ARRB1: variants seen among roughly 807,000 people sequenced by gnomAD.
ARRB1 encodes the protein beta-arrestin-1.
In ARRB1, 21 loss-of-function variants were observed where a neutral mutation model predicts 56.8. The observed-to-expected ratio is 0.37, with a 90% CI of 0.26 to 0.53. The LOEUF (loss-of-function observed/expected upper bound fraction) is 0.53. ARRB1 is among the 20% of genes least tolerant of loss of function. ARRB1 has a pLI of 0.88. For missense variants in ARRB1, 424 were observed against 553.7 expected, an observed-to-expected ratio of 0.77 and a Z score of 2.35; for synonymous variants, 210 against 218.6, an observed-to-expected ratio of 0.96 and a Z score of 0.35.
chr11:75,304,907 A>G (rs946233249), intron 1 of ARRB1, among the ~76,000 whole-genome samples: 1 of 151,922 alleles, frequency 6.6e-6, no homozygotes, highest in Non-Finnish European at 1.5e-5. Flanking sequence ...AGAGAGGAAA[A>G]AAAAAAGTTT....
chr11:75,298,122 T>C (rs1312371709), intron 1 of ARRB1, among the ~76,000 whole-genome samples: 1 of 150,842 alleles, frequency 6.6e-6, no homozygotes, highest in African/African-American at 2.4e-5. Flanking sequence ...GGGATAGCAT[T>C]AGGAGAAATA....
At chr11:75,335,636 G>A (rs888181500) in intron 1 of ARRB1, among the ~76,000 whole-genome samples, 15 of 151,562 alleles carry the variant, frequency 9.9e-5, no homozygotes, top group Non-Finnish European at 1.8e-4. Context: ...ACCTGCCTGC[G>A]GAGGTCTGCT....
intron 1 of ARRB1, among the ~76,000 whole-genome samples, chr11:75,320,439 G>A (rs748033378): frequency 2.6e-5 from 4 of 152,230 alleles, no homozygotes; most frequent in Non-Finnish European, 4.4e-5. Context: ...AGAAGGAGGC[G>A]GGAAAGAAGC....
intron 1 of ARRB1, among the ~76,000 whole-genome samples, chr11:75,296,327 G>A (rs561024131): frequency 6.6e-6 from 1 of 152,084 alleles, no homozygotes; most frequent in African/African-American, 2.4e-5. Context: ...AGAAAAACAT[G>A]CCTAAACCAA....
At chr11:75,330,230 C>G (rs1375955888) in intron 1 of ARRB1, among the ~76,000 whole-genome samples, 2 of 152,328 alleles carry the variant, frequency 1.3e-5, no homozygotes, top group South Asian at 4.1e-4. Flanking sequence ...CTTAGCTGAG[C>G]CTTCAATTCC....
intron 1 of ARRB1, among the ~76,000 whole-genome samples, chr11:75,330,439 C>T (rs576840639): frequency 7.2e-5 from 11 of 152,304 alleles, no homozygotes; most frequent in Non-Finnish European, 1.5e-4. Flanking sequence ...GAGCCCAGCC[C>T]CTGGGCTGGC....
At chr11:75,272,748 G>A (rs1591894782) in intron 12 of ARRB1, 147 bp downstream of exon 12, 2 of 685,526 alleles carry the variant, frequency 2.9e-6, no homozygotes, top group Non-Finnish European at 5.0e-6. Context: ...AGGAACAGAA[G>A]GGAGGAAAAG....
At chr11:75,272,776 T>A in intron 12 of ARRB1, 119 bp downstream of exon 12, 1 of 889,524 alleles carries the variant, frequency 1.1e-6, no homozygotes, top group Non-Finnish European at 1.8e-6. Flanking sequence ...AGGAGGTTCC[T>A]CCTCCAAGGT....
At position 75,306,212 on chromosome 11, in the gene ARRB1, G is replaced by A. The variant is rs535119480; in HGVS notation, c.21-16173C>T. Among the ~76,000 whole-genome samples, 28 of 152,244 alleles carry A rather than the reference G, an allele frequency of 1.8e-4. 1 individual carries two copies. The South Asian group carries it at 5.2e-3, about 28-fold the overall frequency. ...ACCTTGGCCCCTTCCCAGAGCCCAT[G>A]AAAAGGAGTTCCCTGGGCAACTCCA... is the stretch of plus-strand genomic sequence containing the variant. On this transcript the variant is annotated intron_variant, in intron 1 of 15. Transcript: ENST00000420843.
At position 75,302,544 on chromosome 11, in the gene ARRB1, G is replaced by A. The variant is rs141403740; in HGVS notation, c.21-12505C>T. 8.2e-3 allele frequency among the ~76,000 whole-genome samples: 1,250 copies of A among 152,314 alleles called. 6 individuals are homozygous for A. The highest frequency in any genetic ancestry group is 0.013 in the Non-Finnish European group (853 of 68,016). ...CCAGCCTTCCTGGGGCTGAGATGCA[G>A]GAAGAGAAGGTTGCTGGCAGCCAAA... On this transcript the variant is annotated intron_variant, in intron 1 of 15. Transcript: ENST00000420843.
chr11:75,289,022 C>A (rs561097547), intron 2 of ARRB1, among the ~76,000 whole-genome samples: 1 of 152,048 alleles, frequency 6.6e-6, no homozygotes, highest in African/African-American at 2.4e-5. Flanking sequence ...GGAGAGGGGA[C>A]GGGGAGCTGT....
At chr11:75,334,000 G>C (rs1362832701) in intron 1 of ARRB1, among the ~76,000 whole-genome samples, 1 of 152,108 alleles carries the variant, frequency 6.6e-6, no homozygotes, top group Non-Finnish European at 1.5e-5. Context: ...AGCAGGAAAG[G>C]CCTGTCCAGA....
At chr11:75,293,277 T>C (rs1946650456) in intron 1 of ARRB1, among the ~76,000 whole-genome samples, 2 of 152,160 alleles carry the variant, frequency 1.3e-5, no homozygotes, top group African/African-American at 4.8e-5. Context: ...CTGCTGATCC[T>C]TACAATACCA....
intron 1 of ARRB1, among the ~76,000 whole-genome samples, chr11:75,345,619 C>T (rs1229654931): frequency 1.3e-5 from 2 of 152,184 alleles, no homozygotes; most frequent in Admixed American, 6.5e-5. Flanking sequence ...TGGCTCCCAC[C>T]TGCAAAAGCC....
At chr11:75,298,589 A>G (rs1210944699) in intron 1 of ARRB1, among the ~76,000 whole-genome samples, 4 of 152,222 alleles carry the variant, frequency 2.6e-5, no homozygotes, top group Non-Finnish European at 4.4e-5. Flanking sequence ...GCTGGTGGGA[A>G]TGGAAAGTGG....
At position 75,262,658 on chromosome 11, in the gene ARRB1, T is replaced by A. The variant is rs752895701; in HGVS notation, c.*3505A>T. Among the ~76,000 whole-genome samples the A allele has an allele frequency of 6.6e-6, 1 of 152,172 alleles. No individual in the cohort carries two copies. The highest frequency in any genetic ancestry group is 1.5e-5 in the Non-Finnish European group (1 of 68,028). On this transcript the variant is annotated 3_prime_UTR_variant, in exon 16 of 16. Transcript: ENST00000420843. Reference sequence around the variant, plus strand: ...TCTGGGCCTCATAACAATTCCTGCGTCAGGCAGGGAAGGGATTACAATCCC... The same window carrying A: ...TCTGGGCCTCATAACAATTCCTGCGACAGGCAGGGAAGGGATTACAATCCC...
chr11:75,337,684 G>A (rs1947627241), intron 1 of ARRB1, among the ~76,000 whole-genome samples: 2 of 151,914 alleles, frequency 1.3e-5, no homozygotes, highest in Non-Finnish European at 2.9e-5. Flanking sequence ...AGGGAGCCTG[G>A]AAGAGGCCAT....
Position 75,284,248 on chromosome 11 carries a change from G to C in ARRB1, c.144C>G (p.Leu48=). The C allele has an allele frequency of 3.7e-6, 6 of 1,609,936 alleles. No individual in the cohort carries two copies. The highest frequency in any genetic ancestry group is 5.1e-6 in the Non-Finnish European group (6 of 1,177,096). Residue 48 remains leucine, a synonymous_variant, in exon 4 of 16, where the codon CTC becomes CTG. Coordinates refer to ENST00000420843, the MANE Select transcript of ARRB1 (RefSeq NM_004041.5). The stretch of plus-strand genomic sequence containing the variant: ...GCCACAGCCTACCTCTCCGCTCTTT[G>C]AGATACTCAGGATCCACCAGGACCA... The part of the protein sequence containing the change: ...DGVVLVDPEY[L]KERRVYVTLT...
chr11:75,275,442 G>A (rs1371674918), intron 10 of ARRB1, among the ~76,000 whole-genome samples: 1 of 152,078 alleles, frequency 6.6e-6, no homozygotes, highest in African/African-American at 2.4e-5. Flanking sequence ...CACCAGCCCT[G>A]TCTCTAAACA....
Sources: gnomAD v4.1 joint callset for allele counts (sites outside exome capture counted in the v4.1 genomes callset) on GRCh38, gnomAD v4.1.1 for gene constraint, MANE v1.5 for transcripts, NCBI Gene and HGNC (gene_info 2026-07-23, HGNC 2026-07-21) for gene names.